Variants in DOK5 observed in about 807,000 individuals in gnomAD.
The protein encoded by DOK5 is downstream of tyrosine kinase 5.
DOK5 carries 27 observed loss-of-function variants against 43.3 expected under a neutral mutation model. The ratio of observed to expected loss-of-function variants is 0.62; its 90% CI spans 0.46 to 0.86. DOK5 has a LOEUF of 0.86. Among genes scored for constraint, DOK5 ranks in the 40% least tolerant of loss-of-function variants. DOK5 has a pLI of 0.00. For synonymous variants in DOK5, 146 were observed against 140.1 expected (o/e 1.04, Z -0.30); for missense variants, 373 against 392.9 (o/e 0.95, Z 0.43).
chr20:54,650,553 C>T lies in DOK5; in HGVS notation c.*74C>T. The T allele has an allele frequency of 7.0e-7, 1 of 1,432,886 alleles. No individual in the cohort carries two copies. Among genetic ancestry groups the T allele is most frequent in the Middle Eastern group, 1.8e-4 (1 of 5,692 alleles). The allele number at this position is 1,432,886 out of a possible 1,614,324, so 88.8% of individuals were successfully genotyped here. ...ATTCACCCAGGAGGTCACAGAATGACAGCAAGGGAAATGACGACCAAGAGA... is the reference window on the plus strand; with the variant it reads ...ATTCACCCAGGAGGTCACAGAATGATAGCAAGGGAAATGACGACCAAGAGA... On this transcript the variant is annotated 3_prime_UTR_variant, in exon 8 of 8. Transcript: ENST00000262593.
chr20:54,576,828 G>A (rs1985467638), intron 2 of DOK5, among the ~76,000 whole-genome samples: 2 of 152,216 alleles, frequency 1.3e-5, no homozygotes, highest in Non-Finnish European at 2.9e-5. Context: ...AGTTCAGGCT[G>A]CCTTCTTTTG....
At chr20:54,647,215 T>A (rs1359077548) in intron 7 of DOK5, among the ~76,000 whole-genome samples, 2 of 152,082 alleles carry the variant, frequency 1.3e-5, no homozygotes, top group South Asian at 2.1e-4. Flanking sequence ...AGGTTTATAA[T>A]GAAAACTGTC....
intron 2 of DOK5, among the ~76,000 whole-genome samples, chr20:54,578,021 G>T (rs1233570304): frequency 6.6e-6 from 1 of 152,106 alleles, no homozygotes; most frequent in Admixed American, 6.5e-5. Context: ...ATGTGCCTTT[G>T]GTTTGATTTA....
chr20:54,593,270 A>AG (rs1986037554), intron 5 of DOK5, among the ~76,000 whole-genome samples: 1 of 151,858 alleles, frequency 6.6e-6, no homozygotes. Context: ...GAAAAAAAAA[A>AG]AAATTACATT....
chr20:54,493,208 C>A (rs1226523302), intron 1 of DOK5, among the ~76,000 whole-genome samples: 2 of 152,088 alleles, frequency 1.3e-5, no homozygotes, highest in Non-Finnish European at 2.9e-5. Context: ...CTTTCCTGTG[C>A]CTTCCCCTTG....
chr20:54,578,659 TTC>T (rs1043159092), intron 2 of DOK5, among the ~76,000 whole-genome samples: 9 of 152,214 alleles, frequency 5.9e-5, no homozygotes, highest in African/African-American at 1.9e-4. Context: ...TCAAAACTCT[TTC>T]TGTTAGTAAT....
At chr20:54,498,930 A>C (rs1403036318) in intron 1 of DOK5, among the ~76,000 whole-genome samples, 1 of 152,228 alleles carries the variant, frequency 6.6e-6, no homozygotes, top group African/African-American at 2.4e-5. Flanking sequence ...AGCTATATGC[A>C]TCAGCATTCT....
intron 6 of DOK5, among the ~76,000 whole-genome samples, chr20:54,630,873 T>C (rs149791763): frequency 1.0e-3 from 152 of 152,336 alleles, no homozygotes; most frequent in African/African-American, 3.3e-3. Flanking sequence ...CTAATATTCA[T>C]TTAAAAACCG....
intron 1 of DOK5, among the ~76,000 whole-genome samples, chr20:54,481,822 A>G (rs1046465814): frequency 3.9e-5 from 6 of 152,200 alleles, no homozygotes; most frequent in Non-Finnish European, 8.8e-5. Context: ...TTTAATATTT[A>G]TAAGCCTCCA....
At chr20:54,522,259 C>T (rs1983428076) in intron 1 of DOK5, among the ~76,000 whole-genome samples, 2 of 152,114 alleles carry the variant, frequency 1.3e-5, no homozygotes, top group African/African-American at 4.8e-5. Context: ...AGAAAGTTTA[C>T]GAATTTGTGT....
chr20:54,617,711 C>A (rs1323159750), intron 6 of DOK5, among the ~76,000 whole-genome samples: 2 of 152,206 alleles, frequency 1.3e-5, no homozygotes, highest in Non-Finnish European at 2.9e-5. Flanking sequence ...AGGATGAGAT[C>A]ATGGGGCCAC....
intron 1 of DOK5, among the ~76,000 whole-genome samples, chr20:54,553,723 G>A (rs1036665442): frequency 1.3e-5 from 2 of 150,120 alleles, no homozygotes; most frequent in Admixed American, 6.6e-5. Context: ...GGTGAAACCC[G>A]GTCTCTACTA....
intron 7 of DOK5, among the ~76,000 whole-genome samples, chr20:54,644,631 G>T (rs1483620917): frequency 6.6e-6 from 1 of 151,486 alleles, no homozygotes; most frequent in Non-Finnish European, 1.5e-5. Context: ...GCGTGAACCC[G>T]GGAGGCGGAG....
chr20:54,604,102 A>G (rs1445914109), intron 5 of DOK5, among the ~76,000 whole-genome samples: 1 of 151,522 alleles, frequency 6.6e-6, no homozygotes, highest in Non-Finnish European at 1.5e-5. Context: ...GCCCGCCACC[A>G]TGCCCGGCTA....
At chr20:54,561,093 T>G (rs1443245712) in intron 2 of DOK5, among the ~76,000 whole-genome samples, 2 of 152,220 alleles carry the variant, frequency 1.3e-5, no homozygotes, top group African/African-American at 4.8e-5. Flanking sequence ...TAGACCCCTT[T>G]TCTTTCGTGG....
intron 7 of DOK5, among the ~76,000 whole-genome samples, chr20:54,649,071 T>TAAACAGTTG (rs1979578973): frequency 6.6e-6 from 1 of 152,228 alleles, no homozygotes; most frequent in Non-Finnish European, 1.5e-5. Flanking sequence ...AGAGTGGCAC[T>TAAACAGTTG]AAACAGTTGT....
chr20:54,613,940 G>A (rs544917566), intron 6 of DOK5, among the ~76,000 whole-genome samples: 24 of 151,742 alleles, frequency 1.6e-4, no homozygotes, highest in Middle Eastern at 3.5e-3. Flanking sequence ...GCAGCAGTGA[G>A]CTAGGTTCCC....
Position 54,650,680 on chromosome 20 carries a change from A to G in DOK5, c.*201A>G. 1 of 519,500 alleles carries G rather than the reference A, an allele frequency of 1.9e-6. No homozygotes were observed. The highest frequency in any genetic ancestry group is 3.4e-6 in the Non-Finnish European group (1 of 295,744). The allele number at this position is 519,500 out of a possible 1,614,324, so 32.2% of individuals were successfully genotyped here. A position where few individuals can be genotyped will look rare whatever the true frequency, so the allele number is the denominator to read the frequency against. On this transcript the variant is annotated 3_prime_UTR_variant, in exon 8 of 8. Coordinates refer to ENST00000262593, the MANE Select transcript of DOK5 (RefSeq NM_018431.5). ...CTTTTTTAAATTCTTAGTGTAATTG[A>G]AACGTGCTCTATAGATATTGACTCT... is the stretch of plus-strand genomic sequence containing the variant.
chr20:54,579,686 C>A (rs995166607), intron 2 of DOK5, among the ~76,000 whole-genome samples: 8 of 152,116 alleles, frequency 5.3e-5, no homozygotes, highest in Admixed American at 1.3e-4. Context: ...CTTCACATAG[C>A]ATAATGTTTT....
Sources: allele counts gnomAD v4.1 joint callset (sites outside exome capture counted in the v4.1 genomes callset), GRCh38; gene constraint gnomAD v4.1.1; transcripts MANE v1.5; gene names NCBI Gene and HGNC (gene_info 2026-07-23, HGNC 2026-07-21).